KIF23: variants seen among roughly 807,000 people sequenced by gnomAD.
KIF23 encodes kinesin family member 23, also known as kinesin-like protein KIF23.
A neutral mutation model predicts 137.5 loss-of-function variants in KIF23; 30 were observed. The ratio of observed to expected loss-of-function variants is 0.22; its 90% CI spans 0.16 to 0.30. The LOEUF (loss-of-function observed/expected upper bound fraction) is 0.30, where lower values mean the gene tolerates loss of function less well. KIF23 is among the 10% of genes least tolerant of loss of function. The probability of loss-of-function intolerance (pLI) is 1.00; values close to 1 mark genes in which losing one functional copy is unlikely to be tolerated. For missense variants in KIF23, 920 were observed against 1,194.3 expected (o/e 0.77, Z 3.38); for synonymous variants, 367 against 391.1 (o/e 0.94, Z 0.73).
chr15:69,435,910 G>A (rs528953556), intron 13 of KIF23, 139 bp downstream of exon 13: 3 of 1,264,744 alleles, frequency 2.4e-6, no homozygotes, highest in African/African-American at 3.0e-5. Flanking sequence ...GGCTTGGTGT[G>A]GTGGCTTATG....
chr15:69,426,093 G>A lies in KIF23; in HGVS notation c.800G>A (p.Arg267His), dbSNP rs1314475062. The A allele has an allele frequency of 2.6e-5, 42 of 1,589,166 alleles. No homozygotes were observed. The highest frequency in any genetic ancestry group is 3.2e-5 in the Non-Finnish European group (37 of 1,174,038). ...DFVPPQSKLL[R>H]EDKNHNMYVA... ...AGACCTCCACAATCTAAATTGCTTC[G>A]TGAAGATAAGAACCATAACATGTAT... Residue 267 changes from arginine (R) to histidine (H), a missense_variant, in exon 9 of 24, where the codon CGT becomes CAT. By Grantham distance (29) the Arg-to-His change is conservative. Around this residue, in one of 4 missense-constraint regions of KIF23, gnomAD observed 714 missense variants for 866.2 expected, o/e 0.82. Transcript: ENST00000679126.
chr15:69,427,154 A>T (rs28698394), intron 10 of KIF23, among the ~76,000 whole-genome samples: 1 of 152,150 alleles, frequency 6.6e-6, no homozygotes, highest in African/African-American at 2.4e-5. Context: ...ATAAAAAAAT[A>T]AAAAAATAGA....
intron 3 of KIF23, among the ~76,000 whole-genome samples, chr15:69,420,650 G>A (rs773096348): frequency 6.6e-6 from 1 of 152,134 alleles, no homozygotes; most frequent in Non-Finnish European, 1.5e-5. Context: ...ACATCAAAAC[G>A]TGGTATTATG....
intron 3 of KIF23, among the ~76,000 whole-genome samples, chr15:69,419,518 A>G (rs755164483): frequency 2.6e-5 from 4 of 152,150 alleles, no homozygotes; most frequent in African/African-American, 4.8e-5. Flanking sequence ...TCTGGGTCTT[A>G]GCATGGGTCA....
chr15:69,417,162 T>A (rs886307519), intron 2 of KIF23, among the ~76,000 whole-genome samples: 2 of 152,230 alleles, frequency 1.3e-5, no homozygotes, highest in Non-Finnish European at 1.5e-5. Flanking sequence ...TATTAAAATT[T>A]ATTTTAATTT....
intron 20 of KIF23, among the ~76,000 whole-genome samples, chr15:69,445,516 G>A (rs2057721425): frequency 6.7e-6 from 1 of 149,516 alleles, no homozygotes; most frequent in East Asian, 2.0e-4. Context: ...TGATCATAGG[G>A]TCAGTGAATA....
chr15:69,429,174 A>G lies in KIF23; in HGVS notation c.1075A>G (p.Asn359Asp). ...AGATCTTGCTGGAAGTGAAAGAACTAACCGGACCAGAGCAGAAGGGAACAG... is the reference window on the plus strand; with the variant it reads ...AGATCTTGCTGGAAGTGAAAGAACTGACCGGACCAGAGCAGAAGGGAACAG... ...LVDLAGSERT[N>D]RTRAEGNRLR... Residue 359 changes from asparagine to aspartate, a missense_variant, in exon 11 of 24, where the codon AAC becomes GAC. Coordinates refer to ENST00000679126, the MANE Select transcript of KIF23 (RefSeq NM_001367805.3). 2 of 1,613,508 alleles carry G rather than the reference A, an allele frequency of 1.2e-6. No homozygotes were observed. Among genetic ancestry groups the G allele is most frequent in the Non-Finnish European group, 1.7e-6 (2 of 1,179,538 alleles).
rs138624559 is a variant in KIF23 at position 69,418,472 on chromosome 15, T to G, written c.210+961T>G. The stretch of plus-strand genomic sequence containing the variant: ...CCTCCCTTGTTTTCTTCTCAAGGAA[T>G]GGCACTATCGTGTGTCCAGTTGCTC... On this transcript the variant is annotated intron_variant, in intron 3 of 23. Coordinates refer to ENST00000679126, the MANE Select transcript of KIF23 (RefSeq NM_001367805.3). Among the ~76,000 whole-genome samples the G allele has an allele frequency of 2.9e-3, 441 of 152,328 alleles. 1 individual carries two copies. The highest frequency in any genetic ancestry group is 3.5e-3 in the Non-Finnish European group (239 of 68,020).
intron 18 of KIF23, 46 bp downstream of exon 18, chr15:69,440,533 T>C: frequency 1.3e-6 from 2 of 1,523,298 alleles, no homozygotes; most frequent in Non-Finnish European, 1.8e-6. Context: ...AGAGAAATTT[T>C]GTTCAGATTA....
chr15:69,432,893 C>T, intron 11 of KIF23, among the ~76,000 whole-genome samples: 1 of 152,174 alleles, frequency 6.6e-6, no homozygotes, highest in East Asian at 1.9e-4. Context: ...ACAGGTACTA[C>T]TAATGCTGTG....
intron 13 of KIF23, 43 bp downstream of exon 13, chr15:69,435,814 C>T (rs745762890): frequency 1.6e-5 from 26 of 1,594,270 alleles, no homozygotes; most frequent in East Asian, 1.6e-4. Context: ...GAGTTTTTGT[C>T]GGGAAAACAG....
At chr15:69,416,180 G>C in intron 2 of KIF23, 117 bp downstream of exon 2, 2 of 606,146 alleles carry the variant, frequency 3.3e-6, no homozygotes, top group Non-Finnish European at 5.4e-6. Context: ...TATAATCAAA[G>C]AACATTTAGT....
At chr15:69,431,845 T>C (rs2057362818) in intron 11 of KIF23, among the ~76,000 whole-genome samples, 1 of 152,220 alleles carries the variant, frequency 6.6e-6, no homozygotes, top group Admixed American at 6.5e-5. Flanking sequence ...GACTTGAGTT[T>C]ATTCATATGC....
chr15:69,423,127 T>C (rs200843256), intron 6 of KIF23, 32 bp from the exon 7 acceptor site: 14 of 1,385,536 alleles, frequency 1.0e-5, no homozygotes, highest in African/African-American at 4.4e-5. Context: ...AATGGACTTA[T>C]AACGTATACA....
At chr15:69,435,233 T>G (rs1247418580) in intron 11 of KIF23, 2 of 525,738 alleles carry the variant, frequency 3.8e-6, no homozygotes, top group Non-Finnish European at 6.7e-6. Flanking sequence ...TTAACTGTAA[T>G]GTTGCATTTT....
Position 69,436,685 on chromosome 15 carries a change from C to T in KIF23, c.1560C>T (p.Asn520=), listed in dbSNP as rs1327925292. Residue 520 remains asparagine (N), a synonymous_variant, in exon 15 of 24, where the codon AAC becomes AAT. Transcript: ENST00000679126. ...TTGAAGCCTTAGAGAAACGACATAA[C>T]TTACGACAAATGATGATTGATGAGT... The part of the protein sequence containing the change: ...RLIEALEKRH[N]LRQMMIDEFN... 6.2e-7 allele frequency: 1 copy of T among 1,602,266 alleles called. No homozygotes were observed. The highest frequency in any genetic ancestry group is 1.7e-5 in the Admixed American group (1 of 59,278).
At chr15:69,416,949 C>CTAAATAAATAAATAAATAAA (rs60029908) in intron 2 of KIF23, among the ~76,000 whole-genome samples, 1 of 150,356 alleles carries the variant, frequency 6.7e-6, no homozygotes, top group African/African-American at 2.5e-5. Context: ...AACTCTGTCT[C>CTAAATAAATAAATAAATAAA]TAAATAAATA....
intron 3 of KIF23, among the ~76,000 whole-genome samples, chr15:69,418,205 C>T (rs2056967253): frequency 6.6e-6 from 1 of 152,142 alleles, no homozygotes; most frequent in Non-Finnish European, 1.5e-5. Flanking sequence ...AGAAGACTAC[C>T]AGTGGCCTCT....
At chr15:69,418,406 A>T (rs1435955597) in intron 3 of KIF23, among the ~76,000 whole-genome samples, 1 of 152,080 alleles carries the variant, frequency 6.6e-6, no homozygotes. Flanking sequence ...ACATGCCCAA[A>T]AAGGAGTTCT....
Sources: gnomAD v4.1 joint callset for allele counts (sites outside exome capture counted in the v4.1 genomes callset) on GRCh38, gnomAD v4.1.1 for gene constraint, gnomAD v4.1.1 regional missense constraint, MANE v1.5 for transcripts, NCBI Gene and HGNC (gene_info 2026-07-23, HGNC 2026-07-21) for gene names.